GARRE1: variants seen among roughly 807,000 people sequenced by gnomAD.
GARRE1 encodes granule associated Rac and RHOG effector 1, also known as granule associated Rac and RHOG effector protein 1.
In GARRE1, 49 loss-of-function variants were observed where a neutral mutation model predicts 103.2. The observed-to-expected ratio is 0.47, with a 90% confidence interval of 0.38 to 0.60. GARRE1 has a LOEUF of 0.60. Among genes scored for constraint, GARRE1 ranks in the 20% least tolerant of loss-of-function variants. GARRE1 has a pLI of 0.00. For synonymous variants in GARRE1, 505 were observed against 532.8 expected, an observed-to-expected ratio of 0.95 and a Z score of 0.72; for missense variants, 1,199 against 1,370.5, an observed-to-expected ratio of 0.87 and a Z score of 1.98.
At chr19:34,310,725 T>C (rs2145251224) in intron 2 of GARRE1, among the ~76,000 whole-genome samples, 1 of 152,234 alleles carries the variant, frequency 6.6e-6, no homozygotes, top group South Asian at 2.1e-4. Flanking sequence ...TGGCACTAGG[T>C]GTGATGAGTG....
intron 8 of GARRE1, among the ~76,000 whole-genome samples, chr19:34,335,865 G>T (rs2074158880): frequency 6.6e-6 from 1 of 152,072 alleles, no homozygotes; most frequent in African/African-American, 2.4e-5. Flanking sequence ...AGTAGATTCT[G>T]TCAAAAGTGT....
chr19:34,277,908 C>A (rs1379080458), intron 1 of GARRE1, among the ~76,000 whole-genome samples: 5 of 105,860 alleles, frequency 4.7e-5, no homozygotes, highest in Non-Finnish European at 7.3e-5. Context: ...TTCACCCCCC[C>A]CCCCCACCCC....
intron 7 of GARRE1, among the ~76,000 whole-genome samples, chr19:34,332,737 T>G (rs973425031): frequency 6.6e-6 from 1 of 152,238 alleles, no homozygotes; most frequent in Non-Finnish European, 1.5e-5. Flanking sequence ...GTTTTACCCC[T>G]TCTGAAATAT....
At chr19:34,264,801 C>T (rs2073741813) in intron 1 of GARRE1, among the ~76,000 whole-genome samples, 2 of 152,024 alleles carry the variant, frequency 1.3e-5, no homozygotes, top group South Asian at 2.1e-4. Context: ...GGTTGCTCTG[C>T]CTTGATGTTT....
At chr19:34,270,865 A>T (rs1165850500) in intron 1 of GARRE1, among the ~76,000 whole-genome samples, 1 of 152,166 alleles carries the variant, frequency 6.6e-6, no homozygotes, top group Admixed American at 6.5e-5. Flanking sequence ...TGGGGTAGAT[A>T]ATTCTTTGTA....
Position 34,341,487 on chromosome 19 carries a change from C to T in GARRE1, c.1553C>T (p.Ala518Val). The change falls in exon 10 of 14, where the codon GCT (alanine) becomes GTT (valine). Residue 518 changes from alanine to valine, a missense_variant. Coordinates refer to ENST00000299505, the MANE Select transcript of GARRE1 (RefSeq NM_014686.5). ...GAGATCTGTGATTTTGGCAACCAGG[C>T]TGACCTGCCTTCTGGAAATGGAAAC... The part of the protein sequence containing the change: ...QREICDFGNQ[A>V]DLPSGNGNKS... The T allele has an allele frequency of 1.2e-6, 2 of 1,613,938 alleles. No individual in the cohort carries two copies. The highest frequency in any genetic ancestry group is 1.3e-5 in the African/African-American group (1 of 74,956).
In GARRE1 at chr19:34,330,247, A is replaced by T; in HGVS notation, c.1163A>T (p.Asp388Val). Residue 388 changes from aspartate to valine, a missense_variant, in exon 7 of 14, where the codon GAT becomes GTT. By Grantham distance (152) the Asp-to-Val change is radical. Transcript: ENST00000299505. ...AGCYNGITSR[D>V]DFPVTEVLNQ... ...TGCTATAATGGAATCACATCCAGGG[A>T]TGATTTTCCTGTGACTGAAGTGCTG... 6.2e-7 allele frequency: 1 copy of T among 1,614,164 alleles called. No homozygotes were observed. The highest frequency in any genetic ancestry group is 8.5e-7 in the Non-Finnish European group (1 of 1,179,998).
intron 10 of GARRE1, among the ~76,000 whole-genome samples, chr19:34,344,635 A>AT (rs1349819745): frequency 6.6e-6 from 1 of 150,954 alleles, no homozygotes; most frequent in East Asian, 2.0e-4. Context: ...AACACCCAGC[A>AT]TTTGTTACAG....
rs540225700 is a variant in GARRE1 at position 34,348,004 on chromosome 19, G to A, written c.2649G>A (p.Ala883=). The A allele has an allele frequency of 1.7e-5, 27 of 1,551,274 alleles. No homozygotes were observed. Among genetic ancestry groups the A allele is most frequent in the East Asian group, 7.2e-5 (3 of 41,432 alleles). Residue 883 remains alanine, a synonymous_variant, in exon 11 of 14, where the codon GCG becomes GCA. Transcript: ENST00000299505. ...PRGNWPPMDD[A]HRTWPFPEFF... is the part of the protein sequence containing the mutation. ...GCAACTGGCCGCCTATGGATGACGC[G>A]CATCGGACCTGGCCCTTCCCCGAGT...
In GARRE1 at chr19:34,327,824, C is replaced by T. The variant is rs200928748; in HGVS notation, c.900C>T (p.Ala300=). The T allele has an allele frequency of 2.3e-5, 37 of 1,614,142 alleles. No individual in the cohort carries two copies. In the East Asian group the frequency reaches 4.5e-4, roughly 19 times the overall value. The change falls in exon 5 of 14, where the codon GCC becomes GCT. Residue 300 remains alanine, a synonymous_variant. Transcript: ENST00000299505. ...SLGHCEYAMK[A]GFHLNPKAIE... is the part of the protein sequence containing the mutation. ...GACACTGTGAATATGCAATGAAAGCCGGCTTCCACCTGAATCCAAAGGCGA... is the reference window on the plus strand; with the variant it reads ...GACACTGTGAATATGCAATGAAAGCTGGCTTCCACCTGAATCCAAAGGCGA...
At chr19:34,349,257 C>A in intron 12 of GARRE1, 104 bp downstream of exon 12, 1 of 1,168,776 alleles carries the variant, frequency 8.6e-7, no homozygotes. Context: ...TCCAGTCTCC[C>A]TGTGTGAGAG....
chr19:34,336,594 A>C (rs922804178), intron 8 of GARRE1, among the ~76,000 whole-genome samples: 14 of 151,588 alleles, frequency 9.2e-5, no homozygotes, highest in Admixed American at 3.9e-4. Context: ...CAGCTTCCTG[A>C]GTAGCTGGGA....
rs950669646 is a variant in GARRE1, at chr19:34,355,194, T to C, written c.*2239T>C. 4.6e-5 allele frequency: 7 copies of C among 152,678 alleles called. No individual in the cohort carries two copies. Among genetic ancestry groups the C allele is most frequent in the African/African-American group, 1.4e-4 (6 of 41,472 alleles). The allele number at this position is 152,678 out of a possible 1,614,324, so 9.5% of individuals were successfully genotyped here. A position where few individuals can be genotyped will look rare whatever the true frequency, so the allele number is the denominator to read the frequency against. On this transcript the variant is annotated 3_prime_UTR_variant, in exon 14 of 14. Transcript: ENST00000299505. Reference sequence around the variant, plus strand: ...GCTCCAGCACAGGTGACGTCACTAATTGTCACTTTCCAGTTTGTTTTTCTC... The same window carrying C: ...GCTCCAGCACAGGTGACGTCACTAACTGTCACTTTCCAGTTTGTTTTTCTC...
intron 2 of GARRE1, among the ~76,000 whole-genome samples, chr19:34,309,366 A>C (rs919819551): frequency 2.0e-5 from 3 of 152,256 alleles, no homozygotes; most frequent in Non-Finnish European, 4.4e-5. Context: ...TGTAAAACAT[A>C]ATTTTTAAAA....
intron 1 of GARRE1, among the ~76,000 whole-genome samples, chr19:34,299,103 C>T (rs993210017): frequency 4.6e-5 from 7 of 152,212 alleles, no homozygotes; most frequent in East Asian, 1.9e-4. Flanking sequence ...GCTTGGTATC[C>T]GACTGTCCCG....
intron 1 of GARRE1, among the ~76,000 whole-genome samples, chr19:34,272,872 C>G (rs1440796246): frequency 6.6e-6 from 1 of 152,212 alleles, no homozygotes; most frequent in African/African-American, 2.4e-5. Flanking sequence ...TTATTAGATG[C>G]CTCACCTACC....
At chr19:34,285,624 A>C (rs1187087422) in intron 1 of GARRE1, among the ~76,000 whole-genome samples, 8 of 152,200 alleles carry the variant, frequency 5.3e-5, no homozygotes, top group Non-Finnish European at 1.0e-4. Flanking sequence ...CTTCATCTCA[A>C]AAAAAGAAAA....
At chr19:34,294,349 G>C (rs2073935241) in intron 1 of GARRE1, among the ~76,000 whole-genome samples, 2 of 151,568 alleles carry the variant, frequency 1.3e-5, no homozygotes, top group South Asian at 4.2e-4. Flanking sequence ...CTTGAGCCCA[G>C]AAGGTCAAGG....
At chr19:34,344,626 A>G (rs968355147) in intron 10 of GARRE1, among the ~76,000 whole-genome samples, 2 of 151,772 alleles carry the variant, frequency 1.3e-5, no homozygotes, top group African/African-American at 4.8e-5. Context: ...CCTTGCTGAA[A>G]CACCCAGCAT....
Sources: gnomAD v4.1 joint callset for allele counts (sites outside exome capture counted in the v4.1 genomes callset) on GRCh38, gnomAD v4.1.1 for gene constraint, MANE v1.5 for transcripts, NCBI Gene and HGNC (gene_info 2026-07-23, HGNC 2026-07-21) for gene names.